Variants in ERICH6 observed in about 807,000 individuals in gnomAD.
ERICH6 encodes the protein glutamate-rich protein 6.
In ERICH6, 71 loss-of-function variants were observed where a neutral mutation model predicts 71.0. That is an observed-to-expected ratio of 1.00 (90% CI 0.83 to 1.22). The LOEUF (loss-of-function observed/expected upper bound fraction) is 1.22, where lower values mean the gene tolerates loss of function less well. Among genes scored for constraint, ERICH6 ranks in the 50% most tolerant of loss-of-function variants. The pLI is 0.00. For synonymous variants in ERICH6, 262 were observed against 278.4 expected, an observed-to-expected ratio of 0.94 and a Z score of 0.59; for missense variants, 808 against 797.2, an observed-to-expected ratio of 1.01 and a Z score of -0.16.
At chr3:150,682,907 C>A (rs1712027131) in intron 6 of ERICH6, among the ~76,000 whole-genome samples, 1 of 151,956 alleles carries the variant, frequency 6.6e-6, no homozygotes, top group African/African-American at 2.4e-5. Flanking sequence ...GGAGGGGACA[C>A]AAAACAAGGG....
At chr3:150,690,359 T>C (rs1218117054) in intron 3 of ERICH6, among the ~76,000 whole-genome samples, 1 of 151,962 alleles carries the variant, frequency 6.6e-6, no homozygotes, top group African/African-American at 2.4e-5. Context: ...GAAAACTGCC[T>C]AGCGTTGTGA....
chr3:150,670,185 A>G (rs1035347290), intron 11 of ERICH6, among the ~76,000 whole-genome samples: 2 of 152,096 alleles, frequency 1.3e-5, no homozygotes, highest in African/African-American at 2.4e-5. Context: ...TCAACATCGC[A>G]CTATTAATAG....
intron 3 of ERICH6, among the ~76,000 whole-genome samples, chr3:150,694,744 C>T (rs997627471): frequency 3.3e-5 from 5 of 152,212 alleles, no homozygotes; most frequent in African/African-American, 1.2e-4. Flanking sequence ...TGATTGAAAC[C>T]TGTCTCAGAT....
intron 10 of ERICH6, among the ~76,000 whole-genome samples, chr3:150,677,843 A>G (rs1711721637): frequency 6.6e-6 from 1 of 152,190 alleles, no homozygotes. Context: ...GATAAAAATT[A>G]TATATATGAT....
At chr3:150,675,888 G>T (rs1274979609) in intron 10 of ERICH6, among the ~76,000 whole-genome samples, 2 of 124,520 alleles carry the variant, frequency 1.6e-5, no homozygotes, top group African/African-American at 5.9e-5. Context: ...TTGGTTTTCT[G>T]CAGTTTCACT....
chr3:150,677,613 A>C (rs1711711880), intron 10 of ERICH6, among the ~76,000 whole-genome samples: 1 of 151,818 alleles, frequency 6.6e-6, no homozygotes, highest in Admixed American at 6.6e-5. Context: ...CTCCTGCCTC[A>C]GCCCCCCCAA....
At chr3:150,700,241 A>AATTTTTTTT in intron 2 of ERICH6, among the ~76,000 whole-genome samples, 1 of 110,972 alleles carries the variant, frequency 9.0e-6, no homozygotes, top group Non-Finnish European at 1.7e-5. Flanking sequence ...TGCCCGGCTA[A>AATTTTTTTT]TTTTTTTTTT....
chr3:150,664,494 C>T (rs1173948637), intron 13 of ERICH6, among the ~76,000 whole-genome samples: 7 of 151,758 alleles, frequency 4.6e-5, no homozygotes. Context: ...ACTAAAAATA[C>T]AAAATTAACT....
intron 4 of ERICH6, 124 bp from the exon 5 acceptor site, chr3:150,686,145 A>G: frequency 8.4e-7 from 1 of 1,191,478 alleles, no homozygotes; most frequent in Non-Finnish European, 1.2e-6. Context: ...CACTGTTCAG[A>G]TGCCCTGATC....
At chr3:150,665,374 C>G (rs921659455) in intron 13 of ERICH6, among the ~76,000 whole-genome samples, 1 of 151,846 alleles carries the variant, frequency 6.6e-6, no homozygotes, top group Non-Finnish European at 1.5e-5. Context: ...ATGAAACAGG[C>G]CTTACATGGT....
chr3:150,703,347 G>T, intron 1 of ERICH6, 149 bp downstream of exon 1: 1 of 1,405,308 alleles, frequency 7.1e-7, no homozygotes, highest in Non-Finnish European at 9.3e-7. Context: ...TGACAAGGGC[G>T]TGAGAGAGAT....
rs1389104999 is a variant in ERICH6, at chr3:150,673,111, TTTCCTTCCTTCCTTCCTTC to T, written c.1343+826_1343+844del. ...TCTCTCCTTCCTTCCTTCCTTCCTT[TTTCCTTCCTTCCTTCCTTC>T]TTCCTTCCTTCCTTCCTTCCTCCCT... On this transcript the variant is annotated intron_variant, in intron 11 of 13. Coordinates refer to ENST00000295910, the MANE Select transcript of ERICH6 (RefSeq NM_152394.5). 2.0e-5 allele frequency among the ~76,000 whole-genome samples: 3 copies of T among 150,622 alleles called. No homozygotes were observed. The East Asian group carries it at 5.9e-4, about 29-fold the overall frequency.
chr3:150,685,913 G>C, intron 5 of ERICH6, 53 bp downstream of exon 5: 1 of 1,601,768 alleles, frequency 6.2e-7, no homozygotes, highest in South Asian at 1.1e-5. Context: ...GATTTGATAA[G>C]CCATTTTTAC....
intron 1 of ERICH6, 52 bp downstream of exon 1, chr3:150,703,444 T>TG: frequency 6.7e-7 from 1 of 1,498,884 alleles, no homozygotes; most frequent in Non-Finnish European, 8.9e-7. Context: ...GTGGACCAGG[T>TG]GCCCCCTGGA....
At chr3:150,667,784 G>A (rs1193584666) in intron 12 of ERICH6, among the ~76,000 whole-genome samples, 1 of 152,142 alleles carries the variant, frequency 6.6e-6, no homozygotes, top group Non-Finnish European at 1.5e-5. Flanking sequence ...TACTCAGAAA[G>A]TTGGCTTAAT....
chr3:150,686,360 A>G lies in ERICH6; in HGVS notation c.554-6T>C. On this transcript the variant is annotated splice_region_variant and splice_polypyrimidine_tract_variant and intron_variant, in intron 3 of 13. Transcript: ENST00000295910. ...CTCTTTAGAGGCTTTCTTCCCTGTGAAAACAGGGTACATGTGTCATCAATC... is the reference window on the plus strand; with the variant it reads ...CTCTTTAGAGGCTTTCTTCCCTGTGGAAACAGGGTACATGTGTCATCAATC... 1 of 1,613,468 alleles carries G rather than the reference A, an allele frequency of 6.2e-7. No individual in the cohort carries two copies. The highest frequency in any genetic ancestry group is 1.1e-5 in the South Asian group (1 of 91,064).
intron 13 of ERICH6, among the ~76,000 whole-genome samples, chr3:150,665,371 A>G (rs938656137): frequency 1.3e-5 from 2 of 151,954 alleles, no homozygotes; most frequent in Non-Finnish European, 2.9e-5. Context: ...TCAATGAAAC[A>G]GGCCTTACAT....
chr3:150,679,500 A>G (rs1381963488), intron 9 of ERICH6, among the ~76,000 whole-genome samples: 1 of 152,172 alleles, frequency 6.6e-6, no homozygotes, highest in Non-Finnish European at 1.5e-5. Context: ...ATGCCCAGAA[A>G]GATTAAGTCA....
chr3:150,666,647 T>C lies in ERICH6; in HGVS notation c.1728+140A>G, dbSNP rs974179049. ...AATTCCATATGAAGCTTTCATTACATGTTTTTCCATTGAATTCCAAAATCC... is the reference window on the plus strand; with the variant it reads ...AATTCCATATGAAGCTTTCATTACACGTTTTTCCATTGAATTCCAAAATCC... On this transcript the variant is annotated intron_variant, in intron 13 of 13. Coordinates refer to ENST00000295910, the MANE Select transcript of ERICH6 (RefSeq NM_152394.5). The C allele has an allele frequency of 1.2e-5, 9 of 734,130 alleles. No individual in the cohort carries two copies. The African/African-American group carries it at 1.4e-4, about 12-fold the overall frequency. 45.5% of individuals were successfully genotyped at this position (734,130 alleles called of 1,614,324 possible).
Sources: gnomAD v4.1 joint callset for allele counts (sites outside exome capture counted in the v4.1 genomes callset) on GRCh38, gnomAD v4.1.1 for gene constraint, MANE v1.5 for transcripts, NCBI Gene and HGNC (gene_info 2026-07-23, HGNC 2026-07-21) for gene names.